SGTA: variants seen among roughly 807,000 people sequenced by gnomAD.
SGTA encodes the protein small glutamine-rich tetratricopeptide repeat-containing protein alpha.
In SGTA, 22 loss-of-function variants were observed where a neutral mutation model predicts 44.3. That is an observed-to-expected ratio of 0.50 (90% CI 0.36 to 0.71). The LOEUF (loss-of-function observed/expected upper bound fraction) is 0.71. Ranked by LOEUF, SGTA falls within the 30% of genes least tolerant of loss-of-function variation. The pLI is 0.00. For synonymous variants in SGTA, 174 were observed against 177.6 expected (o/e 0.98, Z 0.16); for missense variants, 341 against 435.9 (o/e 0.78, Z 1.94).
rs745955757 is a variant in SGTA, at chr19:2,767,554, G to T, written c.207+26C>A. The T allele has an allele frequency of 2.5e-6, 4 of 1,584,812 alleles. No homozygotes were observed. In the African/African-American group the frequency reaches 4.0e-5, roughly 16 times the overall value. ...TGTTGCTGTTCTTATTTTGGGGGCAGTGGCTGGGGAAGCATCGAGGCTCAC... is the reference window on the plus strand; with the variant it reads ...TGTTGCTGTTCTTATTTTGGGGGCATTGGCTGGGGAAGCATCGAGGCTCAC... On this transcript the variant is annotated intron_variant, in intron 3 of 11. Transcript: ENST00000221566. This position sits in a 1 kb window ranked among gnomAD's most constrained non-coding sequence, Gnocchi z 7.3.
At position 2,779,515 on chromosome 19, in the gene SGTA, A is replaced by G. The variant is rs550071910; in HGVS notation, c.-24+3718T>C. ...GGCACTCGGTGTCTTTGGAACAATC[A>G]CAACTTGTAGGGTTTGGCTGTGGGA... On this transcript the variant is annotated intron_variant, in intron 1 of 11. Coordinates refer to ENST00000221566, the MANE Select transcript of SGTA (RefSeq NM_003021.4). 4.1e-4 allele frequency among the ~76,000 whole-genome samples: 63 copies of G among 152,344 alleles called. 1 individual carries two copies. The highest frequency in any genetic ancestry group is 1.4e-3 in the African/African-American group (59 of 41,596).
Position 2,755,765 on chromosome 19 carries a change from A to C in SGTA, c.*175T>G, listed in dbSNP as rs1424158259. 1 of 985,418 alleles carries C rather than the reference A, an allele frequency of 1.0e-6. No individual in the cohort carries two copies. The highest frequency in any genetic ancestry group is 1.1e-4 in the East Asian group (1 of 8,826). 61.0% of individuals were successfully genotyped at this position (985,418 alleles called of 1,614,324 possible). On this transcript the variant is annotated 3_prime_UTR_variant, in exon 12 of 12. Coordinates refer to ENST00000221566, the MANE Select transcript of SGTA (RefSeq NM_003021.4). The surrounding 1 kb of genome is among the most constrained non-coding windows in gnomAD (Gnocchi z 5.2). ...GGTCTGGGGGCTGTAAGGGAGTTACAAAAAGGGAGTGGAGGAGGGCAGAGA... is the reference window on the plus strand; with the variant it reads ...GGTCTGGGGGCTGTAAGGGAGTTACCAAAAGGGAGTGGAGGAGGGCAGAGA...
Position 2,761,250 on chromosome 19 carries a change from G to A in SGTA, c.699+210C>T, listed in dbSNP as rs910557505. On this transcript the variant is annotated intron_variant, in intron 8 of 11. Transcript: ENST00000221566. This position sits in a 1 kb window ranked among gnomAD's most constrained non-coding sequence, Gnocchi z 5.7. Reference sequence around the variant, plus strand: ...GGACACTTTTGATTGTCGAAGCAGAGGGTGGGGGTGCTCCTGACATGGGGC... The same window carrying A: ...GGACACTTTTGATTGTCGAAGCAGAAGGTGGGGGTGCTCCTGACATGGGGC... Among the ~76,000 whole-genome samples the A allele has an allele frequency of 8.5e-5, 13 of 152,094 alleles. No homozygotes were observed. The highest frequency in any genetic ancestry group is 2.4e-4 in the African/African-American group (10 of 41,360).
Position 2,763,693 on chromosome 19 carries a change from A to G in SGTA, c.457T>C (p.Cys153Arg), listed in dbSNP as rs372472113. 12 of 1,613,684 alleles carry G rather than the reference A, an allele frequency of 7.4e-6. No individual in the cohort carries two copies. The African/African-American group carries it at 8.0e-5, about 11-fold the overall frequency. The change falls in exon 6 of 12, where the codon TGC (cysteine) becomes CGC (arginine). Residue 153 changes from cysteine (C) to arginine (R), a missense_variant. Physicochemically the swap from Cys to Arg is radical, Grantham distance 180. Transcript: ENST00000221566. The surrounding 1 kb of genome is among the most constrained non-coding windows in gnomAD (Gnocchi z 5.8). ...GCCTTGCTGTAGGCCGGGTCAATGCAGATGGCCCGCTCACAGTCCTGCACC... is the reference window on the plus strand; with the variant it reads ...GCCTTGCTGTAGGCCGGGTCAATGCGGATGGCCCGCTCACAGTCCTGCACC... ...GAVQDCERAI[C>R]IDPAYSKAYG... is the part of the protein sequence containing the mutation.
chr19:2,775,798 T>C (rs549510734), intron 1 of SGTA, among the ~76,000 whole-genome samples: 2 of 152,230 alleles, frequency 1.3e-5, no homozygotes, highest in South Asian at 4.1e-4. Flanking sequence ...AGGCACCAAA[T>C]GCCACTGAAT....
Position 2,755,740 on chromosome 19 carries a change from G to C in SGTA, c.*200C>G, listed in dbSNP as rs1914804403. On this transcript the variant is annotated 3_prime_UTR_variant, in exon 12 of 12. Coordinates refer to ENST00000221566, the MANE Select transcript of SGTA (RefSeq NM_003021.4). This position sits in a 1 kb window ranked among gnomAD's most constrained non-coding sequence, Gnocchi z 5.2. The stretch of plus-strand genomic sequence containing the variant: ...GCTTGCTGGCTCTCGTTTCAAGAAG[G>C]GTCTGGGGGCTGTAAGGGAGTTACA... 1.0e-6 allele frequency: 1 copy of C among 985,376 alleles called. No homozygotes were observed. The highest frequency in any genetic ancestry group is 4.7e-5 in the South Asian group (1 of 21,300). 61.0% of individuals were successfully genotyped at this position (985,376 alleles called of 1,614,324 possible). A position where few individuals can be genotyped will look rare whatever the true frequency, so the allele number is the denominator to read the frequency against.
At chr19:2,780,487 C>G (rs541718676) in intron 1 of SGTA, among the ~76,000 whole-genome samples, 169 of 152,282 alleles carry the variant, frequency 1.1e-3, no homozygotes, top group African/African-American at 3.9e-3. Flanking sequence ...CTCTCACCAG[C>G]TGGGGGTCAT....
intron 1 of SGTA, among the ~76,000 whole-genome samples, chr19:2,771,845 C>G (rs1915318454): frequency 6.6e-6 from 1 of 152,216 alleles, no homozygotes; most frequent in Non-Finnish European, 1.5e-5. Context: ...TGGGATGGGA[C>G]CCCCATCCTC....
chr19:2,780,317 C>A (rs549430906), intron 1 of SGTA, among the ~76,000 whole-genome samples: 73 of 152,312 alleles, frequency 4.8e-4, no homozygotes, highest in African/African-American at 1.5e-3. Flanking sequence ...AGCCGGGTGC[C>A]CTGCTCCTCA....
chr19:2,774,627 A>C (rs1490422052), intron 1 of SGTA, among the ~76,000 whole-genome samples: 1 of 152,166 alleles, frequency 6.6e-6, no homozygotes, highest in Non-Finnish European at 1.5e-5. Flanking sequence ...CATTAAAACC[A>C]TGCAGATGAC....
intron 4 of SGTA, among the ~76,000 whole-genome samples, chr19:2,766,433 A>T (rs892341518): frequency 6.6e-6 from 1 of 151,122 alleles, no homozygotes; most frequent in African/African-American, 2.4e-5. Flanking sequence ...TTTATTTTTT[A>T]TTTTTTATTT....
In SGTA at chr19:2,759,140, C is replaced by T. The variant is rs1914912427; in HGVS notation, c.737+117G>A. 3.4e-6 allele frequency: 3 copies of T among 890,336 alleles called. No individual in the cohort carries two copies. The East Asian group carries it at 7.3e-5, about 22-fold the overall frequency. The allele number at this position is 890,336 out of a possible 1,614,324, so 55.2% of individuals were successfully genotyped here. A position where few individuals can be genotyped will look rare whatever the true frequency, so the allele number is the denominator to read the frequency against. ...GACAGTTGCATGACAGTGTGAAAGT[C>T]CTTAATGCCATTAAGTTGCACACTT... is the stretch of plus-strand genomic sequence containing the variant. On this transcript the variant is annotated intron_variant, in intron 9 of 11. Coordinates refer to ENST00000221566, the MANE Select transcript of SGTA (RefSeq NM_003021.4).
intron 11 of SGTA, among the ~76,000 whole-genome samples, chr19:2,757,103 G>C (rs1362181101): frequency 6.6e-6 from 1 of 152,138 alleles, no homozygotes; most frequent in Non-Finnish European, 1.5e-5. Flanking sequence ...GAAAGGAGTG[G>C]GGAGCAGGAC....
rs368599076 is a variant in SGTA at position 2,759,267 on chromosome 19, T to C, written c.727A>G (p.Ile243Val). The change falls in exon 9 of 12, where the codon ATT becomes GTT. Residue 243 changes from isoleucine to valine, a missense_variant. Ile to Val is a conservative substitution (Grantham distance 29, BLOSUM62 3). Transcript: ENST00000221566. ...MASNLMNNPQIQQLMSGMISG... is the reference protein window; with the variant it reads ...MASNLMNNPQVQQLMSGMISG... ...CCGGTTGTCACTTACAGCTGCTGAATCTGGGGATTGTTCATTAGGTTCGAA... is the reference window on the plus strand; with the variant it reads ...CCGGTTGTCACTTACAGCTGCTGAACCTGGGGATTGTTCATTAGGTTCGAA... 2 of 1,614,136 alleles carry C rather than the reference T, an allele frequency of 1.2e-6. No homozygotes were observed. Among genetic ancestry groups the C allele is most frequent in the Non-Finnish European group, 8.5e-7 (1 of 1,179,984 alleles).
chr19:2,776,646 A>G (rs547975048), intron 1 of SGTA, among the ~76,000 whole-genome samples: 7 of 152,324 alleles, frequency 4.6e-5, no homozygotes, highest in African/African-American at 1.7e-4. Flanking sequence ...GCTTAAAGCC[A>G]CTGAACTGTG....
intron 1 of SGTA, among the ~76,000 whole-genome samples, chr19:2,780,145 G>A (rs1915538299): frequency 6.6e-6 from 1 of 152,064 alleles, no homozygotes; most frequent in Non-Finnish European, 1.5e-5. Flanking sequence ...GCCCAGAAGG[G>A]ATCATTCAAT....
At chr19:2,768,175 C>T (rs1020780287) in intron 2 of SGTA, among the ~76,000 whole-genome samples, 1 of 152,176 alleles carries the variant, frequency 6.6e-6, no homozygotes, top group African/African-American at 2.4e-5. Flanking sequence ...GCCACAGGGC[C>T]CCTCTCTCTG....
intron 1 of SGTA, among the ~76,000 whole-genome samples, chr19:2,780,803 C>T (rs904287725): frequency 1.3e-5 from 2 of 152,140 alleles, no homozygotes; most frequent in African/African-American, 4.8e-5. Context: ...AAAGAGAAAA[C>T]GGGCCAGGTG....
chr19:2,759,789 C>T (rs1014181556), intron 8 of SGTA, among the ~76,000 whole-genome samples: 1 of 151,870 alleles, frequency 6.6e-6, no homozygotes, highest in Admixed American at 6.6e-5. Flanking sequence ...GGTGAAACCC[C>T]GTCTCTACTA....
Sources: allele counts gnomAD v4.1 joint callset (sites outside exome capture counted in the v4.1 genomes callset), GRCh38; gene constraint gnomAD v4.1.1; non-coding constraint Gnocchi (gnomAD v3.1); transcripts MANE v1.5; gene names NCBI Gene and HGNC (gene_info 2026-07-23, HGNC 2026-07-21).